LRMDA: variants seen among roughly 807,000 people sequenced by gnomAD.
The protein encoded by LRMDA is leucine rich melanocyte differentiation associated.
Under a neutral mutation model 29.8 loss-of-function variants are expected in LRMDA, and 18 were observed. That is an observed-to-expected ratio of 0.60 (90% CI 0.42 to 0.90). The LOEUF (loss-of-function observed/expected upper bound fraction) is 0.90, where lower values mean the gene tolerates loss of function less well. LRMDA is among the 40% of genes least tolerant of loss of function. LRMDA has a pLI of 0.00. For missense variants in LRMDA, 273 were observed against 273.9 expected (o/e 1.00, Z 0.02); for synonymous variants, 125 against 109.4 (o/e 1.14, Z -0.89).
At chr10:76,037,279 G>A (rs981060591) in intron 3 of LRMDA, among the ~76,000 whole-genome samples, 1 of 152,116 alleles carries the variant, frequency 6.6e-6, no homozygotes, top group Non-Finnish European at 1.5e-5. Context: ...TTGTTTTATT[G>A]GATGGAACAT....
At chr10:76,234,367 T>G (rs1019410303) in intron 5 of LRMDA, among the ~76,000 whole-genome samples, 1 of 152,238 alleles carries the variant, frequency 6.6e-6, no homozygotes, top group Non-Finnish European at 1.5e-5. Flanking sequence ...GTTTCATTGA[T>G]AGCACACAGG....
intron 5 of LRMDA, among the ~76,000 whole-genome samples, chr10:76,277,423 G>A (rs752541821): frequency 2.0e-5 from 3 of 152,150 alleles, no homozygotes; most frequent in Non-Finnish European, 4.4e-5. Flanking sequence ...TCATGCAAGA[G>A]GCAGGCTCAC....
intron 6 of LRMDA, among the ~76,000 whole-genome samples, chr10:76,417,508 C>A (rs1043214443): frequency 2.0e-5 from 3 of 151,792 alleles, no homozygotes; most frequent in Admixed American, 1.3e-4. Context: ...CCCTGCCCCC[C>A]ACAAACTCTC....
At chr10:76,109,027 G>C (rs1453801237) in intron 5 of LRMDA, among the ~76,000 whole-genome samples, 1 of 152,150 alleles carries the variant, frequency 6.6e-6, no homozygotes, top group Non-Finnish European at 1.5e-5. Context: ...AGACCAAAAT[G>C]CCATTTCTCC....
At chr10:76,006,262 G>C (rs1281407534) in intron 2 of LRMDA, among the ~76,000 whole-genome samples, 1 of 152,180 alleles carries the variant, frequency 6.6e-6, no homozygotes, top group Non-Finnish European at 1.5e-5. Flanking sequence ...AGCTCCCTGT[G>C]CGGCGGCTGA....
chr10:75,988,935 A>G (rs1438169727), intron 2 of LRMDA, among the ~76,000 whole-genome samples: 4 of 152,122 alleles, frequency 2.6e-5, no homozygotes, highest in African/African-American at 9.7e-5. Context: ...TGCTTAAAAG[A>G]TGTGTCCTTT....
At chr10:75,770,924 A>C (rs1014943134) in intron 2 of LRMDA, among the ~76,000 whole-genome samples, 1 of 152,190 alleles carries the variant, frequency 6.6e-6, no homozygotes, top group Non-Finnish European at 1.5e-5. Flanking sequence ...GGTGAAGTTA[A>C]GCAGAGAGGA....
At chr10:75,594,185 T>G (rs1840757731) in intron 2 of LRMDA, among the ~76,000 whole-genome samples, 1 of 152,168 alleles carries the variant, frequency 6.6e-6, no homozygotes, top group South Asian at 2.1e-4. Context: ...AAGAGCACAC[T>G]GAGAGAGCTC....
chr10:75,809,503 C>T (rs367717372), intron 2 of LRMDA, among the ~76,000 whole-genome samples: 24 of 152,132 alleles, frequency 1.6e-4, no homozygotes, highest in African/African-American at 4.3e-4. Context: ...ATTAGCCAGG[C>T]GTGGTGGTGT....
chr10:75,591,464 C>T (rs1840723620), intron 2 of LRMDA, among the ~76,000 whole-genome samples: 1 of 152,204 alleles, frequency 6.6e-6, no homozygotes, highest in Admixed American at 6.5e-5. Flanking sequence ...TAAGTCCAGG[C>T]TTTCTAACTC....
chr10:75,977,050 G>A (rs999567430), intron 2 of LRMDA, among the ~76,000 whole-genome samples: 1 of 151,748 alleles, frequency 6.6e-6, no homozygotes, highest in African/African-American at 2.4e-5. Flanking sequence ...CGTAAATGGG[G>A]TCTGCTCACA....
chr10:75,898,081 C>T (rs1845613722), intron 2 of LRMDA, among the ~76,000 whole-genome samples: 2 of 152,072 alleles, frequency 1.3e-5, no homozygotes, highest in Admixed American at 6.6e-5. Flanking sequence ...GCCTTGGCCT[C>T]CCAAAGTGCT....
At chr10:75,468,016 G>A (rs1436455475) in intron 2 of LRMDA, among the ~76,000 whole-genome samples, 1 of 144,302 alleles carries the variant, frequency 6.9e-6, no homozygotes, top group Admixed American at 6.9e-5. Context: ...GCAAAGTATT[G>A]CTCAGTCATA....
chr10:76,479,049 A>C (rs895097988), intron 6 of LRMDA, among the ~76,000 whole-genome samples: 2 of 151,796 alleles, frequency 1.3e-5, no homozygotes, highest in Admixed American at 6.6e-5. Flanking sequence ...AAGTATAATA[A>C]AAATATATAT....
intron 6 of LRMDA, among the ~76,000 whole-genome samples, chr10:76,371,191 T>C (rs1403651864): frequency 6.6e-6 from 1 of 152,158 alleles, no homozygotes; most frequent in Non-Finnish European, 1.5e-5. Flanking sequence ...CTTTGTCAAG[T>C]GGGAACAGTT....
chr10:75,910,211 T>G (rs1845821360), intron 2 of LRMDA, among the ~76,000 whole-genome samples: 1 of 152,210 alleles, frequency 6.6e-6, no homozygotes. Context: ...TAATGCATTT[T>G]GTCAGTGTGG....
At chr10:76,012,991 G>A (rs948859192) in intron 2 of LRMDA, among the ~76,000 whole-genome samples, 12 of 152,196 alleles carry the variant, frequency 7.9e-5, no homozygotes, top group African/African-American at 2.6e-4. Flanking sequence ...TTGTAAAAGC[G>A]ATTTCTTTGC....
At chr10:75,996,961 T>C (rs555635578) in intron 2 of LRMDA, among the ~76,000 whole-genome samples, 2 of 152,264 alleles carry the variant, frequency 1.3e-5, no homozygotes, top group Non-Finnish European at 2.9e-5. Flanking sequence ...CTCAATCTCC[T>C]GACCTCATGA....
At chr10:75,684,566 A>G (rs1052193353) in intron 2 of LRMDA, among the ~76,000 whole-genome samples, 3 of 152,228 alleles carry the variant, frequency 2.0e-5, no homozygotes, top group African/African-American at 7.2e-5. Context: ...CCTCTTGCCT[A>G]TGAAGTAGTC....
Sources: gnomAD v4.1 joint callset for allele counts (sites outside exome capture counted in the v4.1 genomes callset) on GRCh38, gnomAD v4.1.1 for gene constraint, MANE v1.5 for transcripts, NCBI Gene and HGNC (gene_info 2026-07-23, HGNC 2026-07-21) for gene names.